SCRIB: variants seen among roughly 807,000 people sequenced by gnomAD.
SCRIB encodes the protein scribble planar cell polarity protein.
A neutral mutation model predicts 170.0 loss-of-function variants in SCRIB; 72 were observed. The observed-to-expected ratio is 0.42, with a 90% CI of 0.35 to 0.52. The LOEUF (loss-of-function observed/expected upper bound fraction) is 0.52. Among genes scored for constraint, SCRIB ranks in the 20% least tolerant of loss-of-function variants. The pLI, the probability that SCRIB is intolerant of heterozygous loss-of-function variation, is 0.02. For synonymous variants in SCRIB, 1,298 were observed against 1,044.3 expected, an observed-to-expected ratio of 1.24 and a Z score of -4.68; for missense variants, 2,475 against 2,338.5, an observed-to-expected ratio of 1.06 and a Z score of -1.20.
rs202163269 is a variant in SCRIB at position 143,792,137 on chromosome 8, C to T, written c.4515-4G>A. ...GTCCTGTTCCAATGACTTCATCCTG[C>T]AGAGAACAGCGGGCAGGGGTGACTT... On this transcript the variant is annotated splice_region_variant and splice_polypyrimidine_tract_variant and intron_variant, in intron 32 of 36. Coordinates refer to ENST00000356994, the MANE Select transcript of SCRIB (RefSeq NM_182706.5). 3.1e-5 allele frequency: 48 copies of T among 1,566,818 alleles called. 1 individual carries two copies. The Middle Eastern group carries it at 3.0e-3, about 99-fold the overall frequency.
chr8:143,804,950 C>T lies in SCRIB; in HGVS notation c.2735G>A (p.Gly912Asp). The change falls in exon 20 of 37, where the codon GGC (glycine) becomes GAC (aspartate). Residue 912 changes from glycine to aspartate, a missense_variant. Physicochemically the swap from Gly to Asp is moderately conservative, Grantham distance 94. Around this residue, in one of 3 missense-constraint regions of SCRIB, gnomAD observed 1,966 missense variants for 1,742.9 expected, o/e 1.13. Transcript: ENST00000356994. ...CCCACTCACAGAGAGGACGCGGTCG[C>T]CAACCTGCAGTGTGCCCGCGCGGTG... ...AAHRAGTLQV[G>D]DRVLSINGVD... 6.4e-7 allele frequency: 1 copy of T among 1,569,492 alleles called. No homozygotes were observed. The highest frequency in any genetic ancestry group is 1.2e-5 in the South Asian group (1 of 86,234).
chr8:143,815,486 G>A lies in SCRIB; in HGVS notation c.-114C>T. ...TGGGGAGGGGGCGCAGGCAGGGGGC[G>A]GGCCGCCCGAGACTGGACGGGGACG... is the stretch of plus-strand genomic sequence containing the variant. On this transcript the variant is annotated 5_prime_UTR_variant, in exon 1 of 37. Coordinates refer to ENST00000356994, the MANE Select transcript of SCRIB (RefSeq NM_182706.5). The A allele has an allele frequency of 9.9e-7, 1 of 1,006,886 alleles. No individual in the cohort carries two copies. The highest frequency in any genetic ancestry group is 1.2e-6 in the Non-Finnish European group (1 of 845,120). 62.4% of individuals were successfully genotyped at this position (1,006,886 alleles called of 1,614,324 possible). A position where few individuals can be genotyped will look rare whatever the true frequency, so the allele number is the denominator to read the frequency against.
rs118022661 is a variant in SCRIB at position 143,809,598 on chromosome 8, C to T, written c.1651G>A (p.Ala551Thr). 86,109 of 1,611,360 alleles carry T rather than the reference C, an allele frequency of 0.053. 2,656 individuals carry two copies. The highest frequency in any genetic ancestry group is 0.064 in the Non-Finnish European group (75,133 of 1,179,840). Residue 551 changes from alanine to threonine, a missense_variant, in exon 14 of 37, where the codon GCC becomes ACC. This residue lies in a region of SCRIB where 1,966 missense variants were observed against 1,742.9 expected (regional missense o/e 1.13). Transcript: ENST00000356994. Reference protein sequence around the residue: ...AEAQGGSQQEATTAGGEEDAE... With the variant: ...AEAQGGSQQETTTAGGEEDAE... ...TCTTCCTCCCCGCCAGCAGTCGTGG[C>T]TTCCTGCTGGCTCCCACCCTGTGCC...
intron 35 of SCRIB, 61 bp downstream of exon 35, chr8:143,791,605 A>T: frequency 6.6e-7 from 1 of 1,516,808 alleles, no homozygotes; most frequent in Non-Finnish European, 9.1e-7. Flanking sequence ...GCGGGAGCGG[A>T]TGGGGGCGGT....
chr8:143,792,355 G>T lies in SCRIB; in HGVS notation c.4379C>A (p.Thr1460Lys). The T allele has an allele frequency of 6.5e-7, 1 of 1,533,822 alleles. No individual in the cohort carries two copies. Among genetic ancestry groups the T allele is most frequent in the Non-Finnish European group, 8.7e-7 (1 of 1,145,838 alleles). ...CTGGTGGCGCCGTTCAGCTTTGGCC[G>T]TCCGCACCGGGGCGCCACCTCCCAG... ...PPLGGGAPVRTAKAERRHQER... is the reference protein window; with the variant it reads ...PPLGGGAPVRKAKAERRHQER... Residue 1460 changes from threonine (T) to lysine (K), a missense_variant, in exon 32 of 37, where the codon ACG becomes AAG. Physicochemically the swap from Thr to Lys is moderately conservative, Grantham distance 78. Around this residue, in one of 3 missense-constraint regions of SCRIB, gnomAD observed 1,966 missense variants for 1,742.9 expected, o/e 1.13. Transcript: ENST00000356994.
Position 143,804,629 on chromosome 8 carries a change from C to A in SCRIB, c.2948G>T (p.Gly983Val), listed in dbSNP as rs782207306. The change falls in exon 21 of 37, where the codon GGG becomes GTG. Residue 983 changes from glycine to valine, a missense_variant. Transcript: ENST00000356994. ...SITTATPGVP[G>V]LPSLAPSLLA... ...CAGGCTGGGGGCCAGGCTCGGCAAC[C>A]CAGGCACCCCGGGGGTGGCAGTGGT... is the stretch of plus-strand genomic sequence containing the variant. The A allele has an allele frequency of 5.9e-6, 9 of 1,529,294 alleles. No homozygotes were observed. In the East Asian group the frequency reaches 1.8e-4, roughly 31 times the overall value. The allele number at this position is 1,529,294 out of a possible 1,614,324, so 94.7% of individuals were successfully genotyped here.
chr8:143,791,099 G>A lies in SCRIB; in HGVS notation c.*64C>T. The A allele has an allele frequency of 5.1e-6, 7 of 1,369,260 alleles. No individual in the cohort carries two copies. In the South Asian group the frequency reaches 9.9e-5, roughly 19 times the overall value. The allele number at this position is 1,369,260 out of a possible 1,614,324, so 84.8% of individuals were successfully genotyped here. On this transcript the variant is annotated 3_prime_UTR_variant, in exon 37 of 37. Transcript: ENST00000356994. The stretch of plus-strand genomic sequence containing the variant: ...GCTAACACCCAGGTTAAAAGACTTG[G>A]GGCAAGGGTGGTGCTGGAGCTGGCA...
rs1554636780 is a variant in SCRIB, at chr8:143,807,033, G to A, written c.2179-20C>T. Reference sequence around the variant, plus strand: ...GGTCAGCTGGAAACAGAACAGACAGGGTGTCTAGAAGGGCCGCAGTGGGGC... The same window carrying A: ...GGTCAGCTGGAAACAGAACAGACAGAGTGTCTAGAAGGGCCGCAGTGGGGC... On this transcript the variant is annotated intron_variant, in intron 16 of 36. Coordinates refer to ENST00000356994, the MANE Select transcript of SCRIB (RefSeq NM_182706.5). 3.8e-6 allele frequency: 6 copies of A among 1,586,928 alleles called. No individual in the cohort carries two copies. In the African/African-American group the frequency reaches 4.0e-5, roughly 11 times the overall value.
chr8:143,809,586 C>T lies in SCRIB; in HGVS notation c.1663G>A (p.Gly555Ser). ...GGSQQEATTAGGEEDAEEDYQ... is the reference protein window; with the variant it reads ...GGSQQEATTASGEEDAEEDYQ... ...TCCTCTTCGGCGTCTTCCTCCCCGCCAGCAGTCGTGGCTTCCTGCTGGCTC... is the reference window on the plus strand; with the variant it reads ...TCCTCTTCGGCGTCTTCCTCCCCGCTAGCAGTCGTGGCTTCCTGCTGGCTC... The change falls in exon 14 of 37, where the codon GGC becomes AGC. Residue 555 changes from glycine to serine, a missense_variant. Around this residue, in one of 3 missense-constraint regions of SCRIB, gnomAD observed 1,966 missense variants for 1,742.9 expected, o/e 1.13. Coordinates refer to ENST00000356994, the MANE Select transcript of SCRIB (RefSeq NM_182706.5). 6.2e-7 allele frequency: 1 copy of T among 1,611,752 alleles called. No individual in the cohort carries two copies. The highest frequency in any genetic ancestry group is 8.5e-7 in the Non-Finnish European group (1 of 1,179,830).
Position 143,806,370 on chromosome 8 carries a change from A to G in SCRIB, c.2346+37T>C, listed in dbSNP as rs1554636552. On this transcript the variant is annotated intron_variant, in intron 18 of 36. Coordinates refer to ENST00000356994, the MANE Select transcript of SCRIB (RefSeq NM_182706.5). ...CAGGGACCATGTACCTCCAGAGGGCACAGCTGCCACTCGGGGCGGAGAGGT... is the reference window on the plus strand; with the variant it reads ...CAGGGACCATGTACCTCCAGAGGGCGCAGCTGCCACTCGGGGCGGAGAGGT... 3 of 1,524,144 alleles carry G rather than the reference A, an allele frequency of 2.0e-6. No individual in the cohort carries two copies. The Admixed American group carries it at 5.5e-5, about 28-fold the overall frequency. The allele number at this position is 1,524,144 out of a possible 1,614,324, so 94.4% of individuals were successfully genotyped here.
rs201052379 is a variant in SCRIB, at chr8:143,804,036, G to T, written c.3120+10C>A. 4.4e-6 allele frequency: 7 copies of T among 1,599,386 alleles called. No homozygotes were observed. The East Asian group carries it at 1.3e-4, about 31-fold the overall frequency. ...ACCTCTCACAGAACCGCCTGGATGG[G>T]CCGCCCTACCTTGGAGATGAACACA... On this transcript the variant is annotated intron_variant, in intron 22 of 36. Transcript: ENST00000356994.
chr8:143,807,484 G>GT, intron 16 of SCRIB, 68 bp downstream of exon 16: 2 of 1,281,542 alleles, frequency 1.6e-6, no homozygotes, highest in Non-Finnish European at 2.3e-6. Flanking sequence ...GGGGAGAGGC[G>GT]TGAGCCCACA....
chr8:143,807,495 G>A, intron 16 of SCRIB, 57 bp downstream of exon 16: 1 of 1,422,752 alleles, frequency 7.0e-7, no homozygotes, highest in African/African-American at 1.4e-5. Flanking sequence ...TGAGCCCACA[G>A]CCCGGGAAGC....
chr8:143,815,073 C>T, intron 1 of SCRIB, 141 bp downstream of exon 1: 1 of 969,106 alleles, frequency 1.0e-6, no homozygotes, highest in Non-Finnish European at 1.4e-6. Context: ...AAGGGTGGGG[C>T]TGGCTGGGGT....
At position 143,807,892 on chromosome 8, in the gene SCRIB, C is replaced by T. The variant is rs1029730283; in HGVS notation, c.2116-278G>A. 8.5e-5 allele frequency among the ~76,000 whole-genome samples: 13 copies of T among 152,164 alleles called. No individual in the cohort carries two copies. In the East Asian group the frequency reaches 9.7e-4, roughly 11 times the overall value. On this transcript the variant is annotated intron_variant, in intron 15 of 36. Coordinates refer to ENST00000356994, the MANE Select transcript of SCRIB (RefSeq NM_182706.5). ...CATGCCACTGGCCCACACTCAGGGT[C>T]AGAGTGTCATCAAGGGCAGGGATAG...
chr8:143,804,260 G>A, intron 21 of SCRIB, 104 bp from the exon 22 acceptor site: 2 of 889,538 alleles, frequency 2.2e-6, no homozygotes, highest in Non-Finnish European at 3.4e-6. Flanking sequence ...GGCGGGCGGG[G>A]GCTGCCCTAA....
chr8:143,791,433 T>C lies in SCRIB; in HGVS notation c.4778A>G (p.Asp1593Gly). The change falls in exon 36 of 37, where the codon GAC (aspartate) becomes GGC (glycine). Residue 1593 changes from aspartate (D) to glycine (G), a missense_variant. This residue lies in a region of SCRIB where 1,966 missense variants were observed against 1,742.9 expected (regional missense o/e 1.13). Transcript: ENST00000356994. ...SRPVYDIQSPDFAEELRSLEP... is the reference protein window; with the variant it reads ...SRPVYDIQSPGFAEELRSLEP... ...CAGGGACCTCAACTCCTCAGCAAAGTCCGGTGACTGTGATGGGGAGAGTGT... is the reference window on the plus strand; with the variant it reads ...CAGGGACCTCAACTCCTCAGCAAAGCCCGGTGACTGTGATGGGGAGAGTGT... 9.3e-6 allele frequency: 15 copies of C among 1,610,976 alleles called. No homozygotes were observed. Among genetic ancestry groups the C allele is most frequent in the Non-Finnish European group, 1.3e-5 (15 of 1,179,246 alleles).
Position 143,793,982 on chromosome 8 carries a change from G to A in SCRIB, c.3847-20C>T, listed in dbSNP as rs1814827913. ...CGGTACCTGGAGGAGTAGGCAGTGG[G>A]TGGGGTGAGGATGGGCAGGGCTGTG... On this transcript the variant is annotated intron_variant, in intron 27 of 36. Transcript: ENST00000356994. 3 of 1,610,946 alleles carry A rather than the reference G, an allele frequency of 1.9e-6. No individual in the cohort carries two copies. Among genetic ancestry groups the A allele is most frequent in the East Asian group, 4.5e-5 (2 of 44,762 alleles).
Position 143,791,146 on chromosome 8 carries a change from G to T in SCRIB, c.*17C>A, listed in dbSNP as rs1554632467. Reference sequence around the variant, plus strand: ...GGCAGGGCCCCCACCCCAAGTCTGGGGGAGGTGCCTGCTCCTCTAGGAGGG... The same window carrying T: ...GGCAGGGCCCCCACCCCAAGTCTGGTGGAGGTGCCTGCTCCTCTAGGAGGG... On this transcript the variant is annotated 3_prime_UTR_variant, in exon 37 of 37. Coordinates refer to ENST00000356994, the MANE Select transcript of SCRIB (RefSeq NM_182706.5). 20 of 1,394,740 alleles carry T rather than the reference G, an allele frequency of 1.4e-5. No homozygotes were observed. The highest frequency in any genetic ancestry group is 1.7e-5 in the Non-Finnish European group (18 of 1,073,706). The allele number at this position is 1,394,740 out of a possible 1,614,324, so 86.4% of individuals were successfully genotyped here. A position where few individuals can be genotyped will look rare whatever the true frequency, so the allele number is the denominator to read the frequency against.
Sources: allele counts gnomAD v4.1 joint callset (sites outside exome capture counted in the v4.1 genomes callset), GRCh38; gene constraint gnomAD v4.1.1; regional missense constraint gnomAD v4.1.1; transcripts MANE v1.5; gene names NCBI Gene and HGNC (gene_info 2026-07-23, HGNC 2026-07-21).